NSD2: variants seen among roughly 807,000 people sequenced by gnomAD.
NSD2 encodes the protein nuclear receptor binding SET domain protein 2, also known as histone-lysine N-methyltransferase NSD2.
Under a neutral mutation model 139.0 loss-of-function variants are expected in NSD2, and 12 were observed. The ratio of observed to expected loss-of-function variants is 0.09; its 90% CI spans 0.06 to 0.14. The LOEUF (loss-of-function observed/expected upper bound fraction) is 0.14. Among genes scored for constraint, NSD2 ranks in the 10% least tolerant of loss-of-function variants. The probability of loss-of-function intolerance (pLI) is 1.00; values close to 1 mark genes in which losing one functional copy is unlikely to be tolerated. For missense variants in NSD2, 1,155 were observed against 1,745.0 expected, an observed-to-expected ratio of 0.66 and a Z score of 6.02; for synonymous variants, 669 against 648.7, an observed-to-expected ratio of 1.03 and a Z score of -0.48.
chr4:1,894,039 TCCTC>T (rs1318895659), intron 1 of NSD2: 1 of 152,254 alleles, frequency 6.6e-6, no homozygotes. Flanking sequence ...TAAGTGATCC[TCCTC>T]CCTCAGCCTC....
chr4:1,957,439 A>C, intron 15 of NSD2, among the ~76,000 whole-genome samples: 1 of 147,684 alleles, frequency 6.8e-6, no homozygotes, highest in Admixed American at 6.7e-5. Context: ...ACCTGCCATC[A>C]TGCCTGGCTA....
rs1727755042 is a variant in NSD2, at chr4:1,981,459, C to G, written c.*2550C>G. 1 of 238,648 alleles carries G rather than the reference C, an allele frequency of 4.2e-6. No individual in the cohort carries two copies. The highest frequency in any genetic ancestry group is 8.2e-6 in the Non-Finnish European group (1 of 122,068). 14.8% of individuals were successfully genotyped at this position (238,648 alleles called of 1,614,324 possible). A position where few individuals can be genotyped will look rare whatever the true frequency, so the allele number is the denominator to read the frequency against. The stretch of plus-strand genomic sequence containing the variant: ...TCCATCATTAATGTGAAGCAAAACA[C>G]AAAAACCGCCCCAATCCCTCAGGAT... On this transcript the variant is annotated 3_prime_UTR_variant, in exon 22 of 22. Coordinates refer to ENST00000508803, the MANE Select transcript of NSD2 (RefSeq NM_001042424.3).
At chr4:1,917,865 G>A (rs148409106) in intron 4 of NSD2, among the ~76,000 whole-genome samples, 327 of 143,060 alleles carry the variant, frequency 2.3e-3, no homozygotes, top group Middle Eastern at 3.6e-3. Context: ...TACTGCATCC[G>A]CTGCCTCCCA....
At chr4:1,943,244 C>G in intron 9 of NSD2, 15 of 1,041,186 alleles carry the variant, frequency 1.4e-5, no homozygotes, top group Non-Finnish European at 1.7e-5. Context: ...CAGTACCATG[C>G]GAGTAGCCCA....
Position 1,953,500 on chromosome 4 carries a change from C to T in NSD2, c.2314C>T (p.Pro772Ser), listed in dbSNP as rs781367586. 3.1e-6 allele frequency: 5 copies of T among 1,612,738 alleles called. No individual in the cohort carries two copies. Among genetic ancestry groups the T allele is most frequent in the Non-Finnish European group, 4.2e-6 (5 of 1,179,472 alleles). The change falls in exon 12 of 22, where the codon CCT becomes TCT. Residue 772 changes from proline (P) to serine (S), a missense_variant. Physicochemically the swap from Pro to Ser is moderately conservative, Grantham distance 74. Around this residue, in one of 8 missense-constraint regions of NSD2, gnomAD observed 120 missense variants for 239.3 expected, o/e 0.50. Coordinates refer to ENST00000508803, the MANE Select transcript of NSD2 (RefSeq NM_001042424.3). ...HSCVSCHASN[P>S]SNPRPSKGKM... ...CTGTGTGAGCTGCCATGCTTCCAACCCTTCAAACCCAAGGCCGTCAAAAGG... is the reference window on the plus strand; with the variant it reads ...CTGTGTGAGCTGCCATGCTTCCAACTCTTCAAACCCAAGGCCGTCAAAAGG...
Position 1,940,603 on chromosome 4 carries a change from T to C in NSD2, c.1881+825T>C, listed in dbSNP as rs978412234. On this transcript the variant is annotated intron_variant, in intron 9 of 21. Coordinates refer to ENST00000508803, the MANE Select transcript of NSD2 (RefSeq NM_001042424.3). ...TTTCTTGTTATTTGGTTCTCCGTGA[T>C]GCTGTTTTTCTCATTGTAGACATGG... is the stretch of plus-strand genomic sequence containing the variant. 4.7e-6 allele frequency: 5 copies of C among 1,063,144 alleles called. No homozygotes were observed. In the African/African-American group the frequency reaches 8.2e-5, roughly 17 times the overall value. The allele number at this position is 1,063,144 out of a possible 1,614,324, so 65.9% of individuals were successfully genotyped here.
At position 1,948,476 on chromosome 4, in the gene NSD2, T is replaced by A; in HGVS notation, c.1882-2596T>A. ...TGTGGGACGCCCTCGTACTTTGCTCTCCTTGCGGGTGGTTGCCGAGCCGAG... is the reference window on the plus strand; with the variant it reads ...TGTGGGACGCCCTCGTACTTTGCTCACCTTGCGGGTGGTTGCCGAGCCGAG... On this transcript the variant is annotated intron_variant, in intron 9 of 21. Coordinates refer to ENST00000508803, the MANE Select transcript of NSD2 (RefSeq NM_001042424.3). This position sits in a 1 kb window ranked among gnomAD's most constrained non-coding sequence, Gnocchi z 4.5. 9.4e-7 allele frequency: 1 copy of A among 1,065,392 alleles called. No homozygotes were observed. Among genetic ancestry groups the A allele is most frequent in the African/African-American group, 1.6e-5 (1 of 61,064 alleles). The allele number at this position is 1,065,392 out of a possible 1,614,324, so 66.0% of individuals were successfully genotyped here. A position where few individuals can be genotyped will look rare whatever the true frequency, so the allele number is the denominator to read the frequency against.
chr4:1,910,082 C>T (rs568200764), intron 3 of NSD2, among the ~76,000 whole-genome samples: 31 of 152,252 alleles, frequency 2.0e-4, no homozygotes, highest in African/African-American at 7.2e-4. Flanking sequence ...AGCTACAGCT[C>T]AATCTAGATT....
Position 1,973,786 on chromosome 4 carries a change from A to G in NSD2, c.3373-1077A>G, listed in dbSNP as rs1726756975. On this transcript the variant is annotated intron_variant, in intron 18 of 21. Transcript: ENST00000508803. This position sits in a 1 kb window ranked among gnomAD's most constrained non-coding sequence, Gnocchi z 5.5. The stretch of plus-strand genomic sequence containing the variant: ...TTTATCCCAGTGTTTATCCCTGTTC[A>G]CACACGTGGTTTTGTTTGAACACGT... Among the ~76,000 whole-genome samples, 1 of 152,304 alleles carries G rather than the reference A, an allele frequency of 6.6e-6. No homozygotes were observed. Among genetic ancestry groups the G allele is most frequent in the Non-Finnish European group, 1.5e-5 (1 of 68,026 alleles).
At chr4:1,885,584 C>T (rs2108685684) in intron 1 of NSD2, among the ~76,000 whole-genome samples, 1 of 152,172 alleles carries the variant, frequency 6.6e-6, no homozygotes, top group Non-Finnish European at 1.5e-5. Context: ...TCTGGGGAGT[C>T]TCAAGTGGCT....
intron 7 of NSD2, 47 bp from the exon 8 acceptor site, chr4:1,938,404 T>TTTTTTTTGTTTG: frequency 8.1e-7 from 1 of 1,228,348 alleles, no homozygotes; most frequent in Non-Finnish European, 1.1e-6. Flanking sequence ...TTCTTTTCTT[T>TTTTTTTTGTTTG]TTTTTTTCTT....
chr4:1,951,146 T>A lies in NSD2; in HGVS notation c.1956T>A (p.Ser652=). Reference sequence around the variant, plus strand: ...CAGACGAAACACAAACTGAAGTATCTGTCTCATCCAAAAAGTCTGAGCGAG... The same window carrying A: ...CAGACGAAACACAAACTGAAGTATCAGTCTCATCCAAAAAGTCTGAGCGAG... ...ESADETQTEV[S]VSSKKSERGV... is the part of the protein sequence containing the mutation. The change falls in exon 10 of 22, where the codon TCT becomes TCA. Residue 652 remains serine (S), a synonymous_variant. Transcript: ENST00000508803. 6.2e-7 allele frequency: 1 copy of A among 1,614,244 alleles called. No homozygotes were observed. Among genetic ancestry groups the A allele is most frequent in the Non-Finnish European group, 8.5e-7 (1 of 1,180,034 alleles).
chr4:1,897,937 T>C (rs1165112764), intron 1 of NSD2, among the ~76,000 whole-genome samples: 2 of 152,206 alleles, frequency 1.3e-5, no homozygotes, highest in Non-Finnish European at 2.9e-5. Flanking sequence ...GCTGAACTTC[T>C]TGAATCTGTA....
At position 1,900,641 on chromosome 4, in the gene NSD2, A is replaced by G. The variant is rs754947943; in HGVS notation, c.-14A>G. The G allele has an allele frequency of 6.5e-7, 1 of 1,538,394 alleles. No individual in the cohort carries two copies. The highest frequency in any genetic ancestry group is 2.2e-5 in the Admixed American group (1 of 45,080). On this transcript the variant is annotated 5_prime_UTR_variant, in exon 2 of 22. Transcript: ENST00000508803. ...AATACCATAGTGTTCTAAGAACGGA[A>G]GCATCTGGGCTGGATGGAATTTAGC... is the stretch of plus-strand genomic sequence containing the variant.
chr4:1,896,981 G>T (rs1026871876), intron 1 of NSD2, among the ~76,000 whole-genome samples: 1 of 151,840 alleles, frequency 6.6e-6, no homozygotes. Context: ...GACCAGCCTC[G>T]GCAACATGGT....
chr4:1,907,092 A>G (rs539943205), intron 3 of NSD2, among the ~76,000 whole-genome samples: 1 of 152,254 alleles, frequency 6.6e-6, no homozygotes, highest in East Asian at 1.9e-4. Flanking sequence ...GCCAGGGTCT[A>G]GTTAGCTGGC....
At position 1,924,440 on chromosome 4, in the gene NSD2, G is replaced by GA. The variant is rs931693408; in HGVS notation, c.1410+5824dup. 1.1e-3 allele frequency among the ~76,000 whole-genome samples: 173 copies of GA among 152,046 alleles called. 1 individual carries two copies. Among genetic ancestry groups the GA allele is most frequent in the African/African-American group, 4.0e-3 (167 of 41,490 alleles). On this transcript the variant is annotated intron_variant, in intron 5 of 21. Coordinates refer to ENST00000508803, the MANE Select transcript of NSD2 (RefSeq NM_001042424.3). ...AACCTGTTCACTAGTTTGGAATTGT[G>GA]AAAAAAATGGGTACCTGAGAATTGA...
At chr4:1,909,664 G>A (rs1718404702) in intron 3 of NSD2, among the ~76,000 whole-genome samples, 1 of 151,282 alleles carries the variant, frequency 6.6e-6, no homozygotes, top group Admixed American at 6.6e-5. Flanking sequence ...TCCTGGAGAT[G>A]GAGTCTTGCT....
intron 9 of NSD2, chr4:1,940,843 G>A (rs1485856082): frequency 9.5e-7 from 1 of 1,057,296 alleles, no homozygotes; most frequent in Non-Finnish European, 1.1e-6. Flanking sequence ...GGAAGGTCAG[G>A]GACCTAGGCA....
Sources: gnomAD v4.1 joint callset for allele counts (sites outside exome capture counted in the v4.1 genomes callset) on GRCh38, gnomAD v4.1.1 for gene constraint, gnomAD v4.1.1 regional missense constraint, Gnocchi (gnomAD v3.1) non-coding constraint, MANE v1.5 for transcripts, NCBI Gene and HGNC (gene_info 2026-07-23, HGNC 2026-07-21) for gene names.